PID1: variants seen among roughly 807,000 people sequenced by gnomAD.
The protein encoded by PID1 is phosphotyrosine interaction domain containing 1.
PID1 carries 10 observed loss-of-function variants against 19.1 expected under a neutral mutation model. The observed-to-expected ratio is 0.52, with a 90% confidence interval of 0.32 to 0.89. The LOEUF (loss-of-function observed/expected upper bound fraction) is 0.89. Among genes scored for constraint, PID1 ranks in the 40% least tolerant of loss-of-function variants. The pLI, the probability that PID1 is intolerant of heterozygous loss-of-function variation, is 0.03. For synonymous variants in PID1, 130 were observed against 116.0 expected (o/e 1.12, Z -0.78); for missense variants, 248 against 285.3 (o/e 0.87, Z 0.94).
chr2:229,156,532 T>C (rs746664093), intron 1 of PID1, among the ~76,000 whole-genome samples: 1 of 152,186 alleles, frequency 6.6e-6, no homozygotes, highest in South Asian at 2.1e-4. Context: ...ATCCATTGGC[T>C]CTTGTTGTGA....
intron 1 of PID1, among the ~76,000 whole-genome samples, chr2:229,207,884 G>A (rs772992928): frequency 2.0e-5 from 3 of 151,916 alleles, no homozygotes; most frequent in Non-Finnish European, 4.4e-5. Context: ...CTCGGTAAAT[G>A]GAAAAAGGCT....
chr2:229,076,347 T>A (rs538214924), intron 2 of PID1, among the ~76,000 whole-genome samples: 2 of 152,098 alleles, frequency 1.3e-5, no homozygotes, highest in East Asian at 3.9e-4. Context: ...TTATGGACCA[T>A]CCTGCTGCCC....
chr2:229,163,680 T>TGTGTGTGCGCAC (rs1365270238), intron 1 of PID1, among the ~76,000 whole-genome samples: 1 of 103,714 alleles, frequency 9.6e-6, no homozygotes, highest in Non-Finnish European at 2.5e-5. Context: ...TGTGTGCGTG[T>TGTGTGTGCGCAC]GCGTGTGTGT....
chr2:229,057,025 A>G (rs1165424784), intron 2 of PID1, among the ~76,000 whole-genome samples: 1 of 41,862 alleles, frequency 2.4e-5, no homozygotes, highest in Admixed American at 3.5e-4. Context: ...TTATCATAAG[A>G]GAAAGAAATT....
At chr2:229,157,255 C>A (rs897118716) in intron 1 of PID1, among the ~76,000 whole-genome samples, 4 of 152,000 alleles carry the variant, frequency 2.6e-5, no homozygotes, top group Non-Finnish European at 5.9e-5. Context: ...CATGGTGAAA[C>A]CCTGTCTCTA....
intron 2 of PID1, among the ~76,000 whole-genome samples, chr2:229,044,355 C>T (rs1197886432): frequency 3.3e-5 from 5 of 152,042 alleles, no homozygotes; most frequent in Admixed American, 3.3e-4. Flanking sequence ...GCTGAGTTAG[C>T]TCCTCTCTGC....
At position 229,202,418 on chromosome 2, in the gene PID1, T is replaced by C. The variant is rs1007186692; in HGVS notation, c.31-46454A>G. On this transcript the variant is annotated intron_variant, in intron 1 of 2. Coordinates refer to ENST00000392055, the MANE Select transcript of PID1 (RefSeq NM_001100818.2). Reference sequence around the variant, plus strand: ...CATTATTTTATTTATACTTGCACCATGTCTGACCTGAGTTATCAATGCCTG... The same window carrying C: ...CATTATTTTATTTATACTTGCACCACGTCTGACCTGAGTTATCAATGCCTG... 8.5e-5 allele frequency among the ~76,000 whole-genome samples: 13 copies of C among 152,212 alleles called. No homozygotes were observed. In the East Asian group the frequency reaches 2.1e-3, roughly 25 times the overall value.
intron 1 of PID1, among the ~76,000 whole-genome samples, chr2:229,172,704 G>C (rs1364889752): frequency 1.3e-5 from 2 of 152,006 alleles, no homozygotes; most frequent in Non-Finnish European, 2.9e-5. Flanking sequence ...TGGGGATTGG[G>C]ACTTCAACAT....
chr2:229,191,918 A>G lies in PID1; in HGVS notation c.31-35954T>C, dbSNP rs191414338. Among the ~76,000 whole-genome samples the G allele has an allele frequency of 2.4e-3, 360 of 152,354 alleles. 1 individual carries two copies. Among genetic ancestry groups the G allele is most frequent in the African/African-American group, 8.0e-3 (332 of 41,576 alleles). ...ATCAATCTAAAATATTTACATGTTA[A>G]ATGCTTAAAAATTTAAACCTGAAAT... is the stretch of plus-strand genomic sequence containing the variant. On this transcript the variant is annotated intron_variant, in intron 1 of 2. Transcript: ENST00000392055.
intron 2 of PID1, among the ~76,000 whole-genome samples, chr2:229,140,845 T>G (rs1191568864): frequency 6.6e-6 from 1 of 152,150 alleles, no homozygotes; most frequent in Non-Finnish European, 1.5e-5. Flanking sequence ...ATTACAGCGA[T>G]TTAGCCTATG....
At chr2:229,150,805 C>T (rs906054299) in intron 2 of PID1, among the ~76,000 whole-genome samples, 31 of 149,898 alleles carry the variant, frequency 2.1e-4, no homozygotes, top group Admixed American at 8.6e-4. Flanking sequence ...GGTTATATAT[C>T]TACACATATA....
chr2:229,249,479 C>A (rs1690091154), intron 1 of PID1, among the ~76,000 whole-genome samples: 1 of 152,184 alleles, frequency 6.6e-6, no homozygotes, highest in Non-Finnish European at 1.5e-5. Flanking sequence ...AATATATTCA[C>A]TGAGCTTGTA....
intron 1 of PID1, among the ~76,000 whole-genome samples, chr2:229,253,664 G>C (rs1268997250): frequency 1.3e-5 from 2 of 151,810 alleles, no homozygotes; most frequent in Non-Finnish European, 2.9e-5. Context: ...ACACGGAAGG[G>C]TACCCATATA....
chr2:229,229,063 C>T (rs568784762), intron 1 of PID1, among the ~76,000 whole-genome samples: 8 of 152,326 alleles, frequency 5.3e-5, no homozygotes, highest in Admixed American at 5.2e-4. Flanking sequence ...CTTTCCAACC[C>T]AGTCCCAATG....
intron 2 of PID1, among the ~76,000 whole-genome samples, chr2:229,084,988 T>C (rs1332006945): frequency 6.6e-6 from 1 of 152,172 alleles, no homozygotes; most frequent in Non-Finnish European, 1.5e-5. Context: ...TATGTTTTCT[T>C]CTTCCTTCCT....
At chr2:229,200,396 C>T (rs1225165593) in intron 1 of PID1, among the ~76,000 whole-genome samples, 1 of 151,922 alleles carries the variant, frequency 6.6e-6, no homozygotes, top group Non-Finnish European at 1.5e-5. Context: ...CAGTATGTGG[C>T]TGAAGTAACA....
chr2:229,232,518 A>G (rs1310888674), intron 1 of PID1, among the ~76,000 whole-genome samples: 2 of 149,296 alleles, frequency 1.3e-5, no homozygotes, highest in African/African-American at 2.5e-5. Context: ...TGGAGGGGAC[A>G]CATTTAAACT....
At chr2:229,266,267 C>T (rs1177361652) in intron 1 of PID1, among the ~76,000 whole-genome samples, 1 of 134,460 alleles carries the variant, frequency 7.4e-6, no homozygotes, top group Non-Finnish European at 1.7e-5. Flanking sequence ...CCTCCTTCTC[C>T]CCATTTTTTT....
At chr2:229,180,182 T>C (rs1374207991) in intron 1 of PID1, among the ~76,000 whole-genome samples, 1 of 152,168 alleles carries the variant, frequency 6.6e-6, no homozygotes, top group African/African-American at 2.4e-5. Flanking sequence ...CCAGAAGTGA[T>C]TGATGTTTAT....
Sources: allele counts gnomAD v4.1 joint callset (sites outside exome capture counted in the v4.1 genomes callset), GRCh38; gene constraint gnomAD v4.1.1; transcripts MANE v1.5; gene names NCBI Gene and HGNC (gene_info 2026-07-23, HGNC 2026-07-21).